Variants in FER observed in about 807,000 individuals in gnomAD.
The protein encoded by FER is tyrosine-protein kinase Fer.
FER carries 63 observed loss-of-function variants against 111.0 expected under a neutral mutation model. The observed-to-expected ratio is 0.57, with a 90% CI of 0.46 to 0.70. FER has a LOEUF of 0.70. FER is among the 30% of genes least tolerant of loss of function. The probability of loss-of-function intolerance (pLI) is 0.00; values close to 1 mark genes in which losing one functional copy is unlikely to be tolerated. For synonymous variants in FER, 327 were observed against 313.9 expected (o/e 1.04, Z -0.44); for missense variants, 914 against 954.0 (o/e 0.96, Z 0.55).
chr5:108,926,000 A>G (rs1753684436), intron 10 of FER, among the ~76,000 whole-genome samples: 1 of 151,946 alleles, frequency 6.6e-6, no homozygotes, highest in Admixed American at 6.6e-5. Flanking sequence ...TAACTTTAAA[A>G]AAGTCTCGCT....
intron 17 of FER, among the ~76,000 whole-genome samples, chr5:109,145,778 G>A (rs1754027345): frequency 1.3e-5 from 2 of 151,976 alleles, no homozygotes; most frequent in African/African-American, 2.4e-5. Flanking sequence ...CTTTATTATT[G>A]TCACATTGAT....
intron 14 of FER, among the ~76,000 whole-genome samples, chr5:109,042,328 G>A (rs1466623866): frequency 6.6e-6 from 1 of 152,110 alleles, no homozygotes; most frequent in South Asian, 2.1e-4. Context: ...CCCTGATTCA[G>A]AATCTCAATT....
At chr5:109,040,129 T>C (rs547631765) in intron 14 of FER, among the ~76,000 whole-genome samples, 2 of 152,052 alleles carry the variant, frequency 1.3e-5, no homozygotes, top group African/African-American at 4.8e-5. Context: ...CAGTTTTGGA[T>C]GTATTGAGTT....
intron 6 of FER, among the ~76,000 whole-genome samples, chr5:108,870,142 C>T (rs1764464942): frequency 6.6e-6 from 1 of 152,010 alleles, no homozygotes; most frequent in South Asian, 2.1e-4. Flanking sequence ...AATGGTTTCT[C>T]ATGGTATGTT....
chr5:108,882,049 T>C (rs770518583), intron 8 of FER, among the ~76,000 whole-genome samples: 4 of 152,216 alleles, frequency 2.6e-5, no homozygotes, highest in Non-Finnish European at 5.9e-5. Context: ...AATTCTGTTT[T>C]AGTGACTGTA....
chr5:108,902,636 T>A (rs75120690), intron 10 of FER, among the ~76,000 whole-genome samples: 4,599 of 152,306 alleles, frequency 0.03, 83 homozygotes, highest in African/African-American at 0.052. Flanking sequence ...GGAGCATACT[T>A]TGGGAAATGC....
At chr5:109,012,232 T>C (rs575837281) in intron 13 of FER, among the ~76,000 whole-genome samples, 2 of 152,362 alleles carry the variant, frequency 1.3e-5, no homozygotes, top group African/African-American at 4.8e-5. Context: ...GCAAATTTAG[T>C]AAAGATCATG....
intron 17 of FER, among the ~76,000 whole-genome samples, chr5:109,132,133 G>A (rs1752422469): frequency 6.6e-6 from 1 of 151,958 alleles, no homozygotes; most frequent in African/African-American, 2.4e-5. Flanking sequence ...GTCGGCATTG[G>A]GATCTAAATG....
chr5:109,016,393 T>G (rs1014921813), intron 13 of FER, among the ~76,000 whole-genome samples: 26 of 152,178 alleles, frequency 1.7e-4, no homozygotes, highest in African/African-American at 6.3e-4. Context: ...TCAGCCACTC[T>G]GATTTGGACT....
intron 17 of FER, 49 bp from the exon 18 acceptor site, chr5:109,180,698 G>T (rs1335888581): frequency 6.5e-7 from 1 of 1,541,906 alleles, no homozygotes; most frequent in South Asian, 1.3e-5. Flanking sequence ...TGTGAAAGTG[G>T]CTTTCAATTT....
intron 3 of FER, among the ~76,000 whole-genome samples, chr5:108,826,653 G>A (rs1268674984): frequency 1.3e-5 from 2 of 152,208 alleles, no homozygotes; most frequent in African/African-American, 4.8e-5. Flanking sequence ...CAGTTTTCTA[G>A]AGTAGTTTGA....
At chr5:109,004,358 A>G (rs1037812455) in intron 13 of FER, among the ~76,000 whole-genome samples, 23 of 152,214 alleles carry the variant, frequency 1.5e-4, no homozygotes, top group African/African-American at 4.6e-4. Context: ...CAAAATATTC[A>G]TATCCTTTTT....
chr5:109,051,901 C>T, intron 16 of FER: 2 of 1,566,594 alleles, frequency 1.3e-6, no homozygotes, highest in Non-Finnish European at 8.8e-7. Flanking sequence ...ATCTCTTTTG[C>T]AAGTGTGAAC....
At chr5:109,060,483 A>C (rs944634380) in intron 16 of FER, among the ~76,000 whole-genome samples, 3 of 152,092 alleles carry the variant, frequency 2.0e-5, no homozygotes, top group Non-Finnish European at 4.4e-5. Flanking sequence ...CAAGAGATCA[A>C]GACGATCCAG....
At chr5:109,150,961 T>C (rs1363178325) in intron 17 of FER, among the ~76,000 whole-genome samples, 3 of 152,176 alleles carry the variant, frequency 2.0e-5, no homozygotes, top group East Asian at 1.9e-4. Flanking sequence ...AATACAATTG[T>C]ATTGGAAATA....
intron 16 of FER, among the ~76,000 whole-genome samples, chr5:109,099,898 T>A (rs2150064304): frequency 6.6e-6 from 1 of 151,768 alleles, no homozygotes; most frequent in East Asian, 1.9e-4. Context: ...GTCCGGACAC[T>A]GCTATCAGTT....
chr5:109,191,127 A>C lies in FER; in HGVS notation c.*3552A>C, dbSNP rs1759346301. ...TAGTTACAACATACGCCACCCACTG[A>C]GGACCTTGTAGTGGGATAAACAAAA... On this transcript the variant is annotated 3_prime_UTR_variant, in exon 20 of 20. Coordinates refer to ENST00000281092, the MANE Select transcript of FER (RefSeq NM_005246.4). The C allele has an allele frequency of 6.6e-6, 1 of 152,180 alleles. No homozygotes were observed. 9.4% of individuals were successfully genotyped at this position (152,180 alleles called of 1,614,324 possible).
chr5:109,150,680 T>C (rs988518717), intron 17 of FER, among the ~76,000 whole-genome samples: 5 of 152,118 alleles, frequency 3.3e-5, no homozygotes, highest in African/African-American at 1.2e-4. Flanking sequence ...AGACAATATA[T>C]CTTTAACGTT....
chr5:108,954,185 C>T (rs534161941), intron 11 of FER, among the ~76,000 whole-genome samples: 62 of 151,990 alleles, frequency 4.1e-4, no homozygotes, highest in Admixed American at 1.9e-3. Flanking sequence ...AGCCATGTGG[C>T]AGAGGTAATG....
Sources: allele counts gnomAD v4.1 joint callset (sites outside exome capture counted in the v4.1 genomes callset), GRCh38; gene constraint gnomAD v4.1.1; transcripts MANE v1.5; gene names NCBI Gene and HGNC (gene_info 2026-07-23, HGNC 2026-07-21).